The following WAPL variants were observed in gnomAD, a reference collection of about 807,000 sequenced individuals.
WAPL encodes WAPL cohesin release factor, also known as wings apart-like protein homolog.
A neutral mutation model predicts 121.0 loss-of-function variants in WAPL; 5 were observed. The observed-to-expected ratio is 0.04, with a 90% CI of 0.02 to 0.09. The LOEUF is 0.09. Ranked by LOEUF, WAPL falls within the 10% of genes least tolerant of loss-of-function variation. The probability of loss-of-function intolerance (pLI) is 1.00; values close to 1 mark genes in which losing one functional copy is unlikely to be tolerated. For synonymous variants in WAPL, 480 were observed against 481.5 expected (o/e 1.00, Z 0.04); for missense variants, 999 against 1,410.8 (o/e 0.71, Z 4.68).
At chr10:86,459,154 A>G in intron 11 of WAPL, 89 bp from the exon 12 acceptor site, 1 of 1,053,746 alleles carries the variant, frequency 9.5e-7, no homozygotes, top group Non-Finnish European at 1.4e-6. Context: ...CGTAAAAGAT[A>G]CAAAGATGAG....
chr10:86,438,726 C>T (rs1042418775), intron 17 of WAPL, among the ~76,000 whole-genome samples: 1 of 152,150 alleles, frequency 6.6e-6, no homozygotes. Context: ...AAATTCACAT[C>T]CTTCACAGAT....
chr10:86,506,499 G>C (rs563349925), intron 2 of WAPL, among the ~76,000 whole-genome samples: 1 of 152,214 alleles, frequency 6.6e-6, no homozygotes, highest in South Asian at 2.1e-4. Flanking sequence ...TATTGGCCAC[G>C]TGTGGTGGCT....
intron 15 of WAPL, among the ~76,000 whole-genome samples, chr10:86,451,512 C>T (rs1840979452): frequency 6.6e-6 from 1 of 151,980 alleles, no homozygotes; most frequent in Non-Finnish European, 1.5e-5. Context: ...TGCCTCTCAG[C>T]CTCCTGAGTA....
intron 12 of WAPL, among the ~76,000 whole-genome samples, chr10:86,454,722 C>A (rs948066863): frequency 4.6e-5 from 7 of 151,778 alleles, no homozygotes; most frequent in African/African-American, 1.2e-4. Context: ...AGGCCCTCTG[C>A]CCGGCCGCCC....
At chr10:86,505,466 T>C (rs1842332497) in intron 2 of WAPL, among the ~76,000 whole-genome samples, 1 of 151,268 alleles carries the variant, frequency 6.6e-6, no homozygotes, top group Admixed American at 6.6e-5. Context: ...TTTTTATTTT[T>C]AGCAGAGACG....
intron 15 of WAPL, among the ~76,000 whole-genome samples, chr10:86,449,439 C>T (rs1050680510): frequency 1.3e-5 from 2 of 152,078 alleles, no homozygotes; most frequent in African/African-American, 4.8e-5. Context: ...AATGACAAAC[C>T]ATAAACCATA....
chr10:86,452,869 G>A (rs1334442289), intron 14 of WAPL, among the ~76,000 whole-genome samples: 8 of 151,050 alleles, frequency 5.3e-5, no homozygotes, highest in South Asian at 2.1e-4. Flanking sequence ...GCAAAACCCC[G>A]TCTCTACTAA....
At chr10:86,440,166 T>C (rs1849425813) in intron 17 of WAPL, among the ~76,000 whole-genome samples, 1 of 152,298 alleles carries the variant, frequency 6.6e-6, no homozygotes, top group East Asian at 1.9e-4. Flanking sequence ...AGATAAATCA[T>C]ATGTGGTAAT....
chr10:86,440,882 G>GAAA (rs10661246), intron 17 of WAPL, among the ~76,000 whole-genome samples: 16 of 130,502 alleles, frequency 1.2e-4, no homozygotes, highest in Middle Eastern at 3.9e-3. Flanking sequence ...TACACAAAGT[G>GAAA]AAAAAAAAAA....
chr10:86,517,615 T>C lies in WAPL; in HGVS notation c.455A>G (p.Glu152Gly). 1 of 1,613,916 alleles carries C rather than the reference T, an allele frequency of 6.2e-7. No homozygotes were observed. The highest frequency in any genetic ancestry group is 2.2e-5 in the East Asian group (1 of 44,872). ...GKEKSTNRIV[E>G]DDASISSCNK... ...ACAGCTACTTATGCTTGCATCATCT[T>C]CTACAATTCGGTTTGTGCTCTTTTC... Residue 152 changes from glutamate to glycine, a missense_variant, in exon 2 of 19, where the codon GAA becomes GGA. Glu to Gly is a moderately conservative substitution (Grantham distance 98, BLOSUM62 -2). This residue lies in a region of WAPL where 531 missense variants were observed against 563.1 expected (regional missense o/e 0.94). Transcript: ENST00000298767.
At chr10:86,505,188 T>C (rs577407948) in intron 2 of WAPL, among the ~76,000 whole-genome samples, 80 of 32,150 alleles carry the variant, frequency 2.5e-3, no homozygotes, top group African/African-American at 6.2e-3. Context: ...AGGATTTTTT[T>C]ATGTTTTTTT....
rs761279921 is a variant in WAPL at position 86,500,442 on chromosome 10, A to G, written c.801T>C (p.Asp267=). The G allele has an allele frequency of 8.1e-6, 13 of 1,614,102 alleles. No individual in the cohort carries two copies. In the African/African-American group the frequency reaches 1.7e-4, roughly 22 times the overall value. The change falls in exon 3 of 19, where the codon GAT becomes GAC. Residue 267 remains aspartate (D), a synonymous_variant. Transcript: ENST00000298767. ...TCAGATTTTCCAATCGATTTTTAAA[A>G]TCGTCATCCTTCATCTCCAAAAGGG... ...SDPLLEMKDD[D]FKNRLENLNE...
rs549492250 is a variant in WAPL, at chr10:86,454,264, A to G, written c.2658-433T>C. 3.1e-3 allele frequency among the ~76,000 whole-genome samples: 471 copies of G among 152,342 alleles called. 1 individual carries two copies. Among genetic ancestry groups the G allele is most frequent in the Non-Finnish European group, 5.3e-3 (359 of 68,036 alleles). ...TTTATTACCTTCACTACCAACGTTG[A>G]CAGTATAAATCATTATTTTTTAATT... On this transcript the variant is annotated intron_variant, in intron 12 of 18. Transcript: ENST00000298767.
At chr10:86,495,234 A>C (rs576679508) in intron 4 of WAPL, among the ~76,000 whole-genome samples, 2 of 152,344 alleles carry the variant, frequency 1.3e-5, no homozygotes, top group South Asian at 4.1e-4. Context: ...TGGGAGGCCA[A>C]GGCAGGCAGA....
chr10:86,452,150 A>G lies in WAPL; in HGVS notation c.2950-19T>C. On this transcript the variant is annotated intron_variant, in intron 14 of 18. Coordinates refer to ENST00000298767, the MANE Select transcript of WAPL (RefSeq NM_015045.5). ...CTAAGCCCTTCAAAAAGTTTAAAAG[A>G]CACATATTATCAGAGATGAGTACTT... 6.2e-7 allele frequency: 1 copy of G among 1,609,814 alleles called. No homozygotes were observed. The highest frequency in any genetic ancestry group is 1.3e-5 in the African/African-American group (1 of 74,706).
intron 12 of WAPL, among the ~76,000 whole-genome samples, chr10:86,454,318 C>T (rs941484881): frequency 2.0e-5 from 3 of 152,184 alleles, no homozygotes; most frequent in African/African-American, 7.2e-5. Context: ...CATGTCTCCT[C>T]GACAATTTTC....
chr10:86,482,819 G>A (rs1241902376), intron 4 of WAPL, among the ~76,000 whole-genome samples: 1 of 152,196 alleles, frequency 6.6e-6, no homozygotes, highest in Non-Finnish European at 1.5e-5. Flanking sequence ...GTTGCCAGGG[G>A]CTGGCAGGTA....
At chr10:86,449,957 C>A (rs898032591) in intron 15 of WAPL, among the ~76,000 whole-genome samples, 1 of 152,132 alleles carries the variant, frequency 6.6e-6, no homozygotes, top group South Asian at 2.1e-4. Context: ...CGTAATAAAA[C>A]TGAACAGAGG....
At chr10:86,485,435 G>T (rs1190375751) in intron 4 of WAPL, among the ~76,000 whole-genome samples, 2 of 152,108 alleles carry the variant, frequency 1.3e-5, no homozygotes, top group East Asian at 3.9e-4. Context: ...TACTCAAGAG[G>T]CTAAGGCAGT....
Sources: gnomAD v4.1 joint callset for allele counts (sites outside exome capture counted in the v4.1 genomes callset) on GRCh38, gnomAD v4.1.1 for gene constraint, gnomAD v4.1.1 regional missense constraint, MANE v1.5 for transcripts, NCBI Gene and HGNC (gene_info 2026-07-23, HGNC 2026-07-21) for gene names.